Variants in PCDHA11 observed in about 807,000 individuals in gnomAD.
PCDHA11 encodes the protein protocadherin alpha 11, also known as protocadherin alpha-11.
Under a neutral mutation model 70.3 loss-of-function variants are expected in PCDHA11, and 61 were observed. The observed-to-expected ratio is 0.87, with a 90% confidence interval of 0.71 to 1.07. The LOEUF is 1.07. Among genes scored for constraint, PCDHA11 ranks in the 50% least tolerant of loss-of-function variants. The pLI is 0.00. For missense variants in PCDHA11, 1,324 were observed against 1,237.5 expected, an observed-to-expected ratio of 1.07 and a Z score of -1.05; for synonymous variants, 633 against 555.1, an observed-to-expected ratio of 1.14 and a Z score of -1.97.
chr5:140,869,233 T>C lies in PCDHA11; in HGVS notation c.130T>C (p.Phe44Leu). 1 of 1,613,700 alleles carries C rather than the reference T, an allele frequency of 6.2e-7. No individual in the cohort carries two copies. Among genetic ancestry groups the C allele is most frequent in the Non-Finnish European group, 8.5e-7 (1 of 1,179,946 alleles). The change falls in exon 1 of 4, where the codon TTC becomes CTC. Residue 44 changes from phenylalanine (F) to leucine (L), a missense_variant. By Grantham distance (22) the Phe-to-Leu change is conservative (BLOSUM62 0). Coordinates refer to ENST00000398640, the MANE Select transcript of PCDHA11 (RefSeq NM_018902.5). Reference sequence around the variant, plus strand: ...CTCGGAGGAGGCCAAACACGGCACCTTCGTGGGCCGCATCGCGCAGGACCT... The same window carrying C: ...CTCGGAGGAGGCCAAACACGGCACCCTCGTGGGCCGCATCGCGCAGGACCT... ...SVSEEAKHGT[F>L]VGRIAQDLGL...
chr5:140,942,511 CAG>C (rs574477918), intron 1 of PCDHA11, among the ~76,000 whole-genome samples: 21 of 151,458 alleles, frequency 1.4e-4, no homozygotes, highest in Non-Finnish European at 2.8e-4. Flanking sequence ...CTAGGAAACT[CAG>C]AGGGGAAGCA....
intron 1 of PCDHA11, among the ~76,000 whole-genome samples, chr5:140,886,194 AAT>A (rs775586198): frequency 9.9e-5 from 15 of 152,172 alleles, no homozygotes; most frequent in Non-Finnish European, 1.9e-4. Context: ...GGCAAGCAGT[AAT>A]CTGTTCTCCA....
chr5:140,869,772 T>A lies in PCDHA11; in HGVS notation c.669T>A (p.Thr223=), dbSNP rs1554163433. 1 of 1,613,190 alleles carries A rather than the reference T, an allele frequency of 6.2e-7. No individual in the cohort carries two copies. Among genetic ancestry groups the A allele is most frequent in the Non-Finnish European group, 8.5e-7 (1 of 1,179,662 alleles). ...TATDGGKPEL[T]GTVRLLVQVL... ...CAGACGGGGGAAAACCAGAGCTTACTGGCACCGTTCGGCTGTTAGTCCAAG... is the reference window on the plus strand; with the variant it reads ...CAGACGGGGGAAAACCAGAGCTTACAGGCACCGTTCGGCTGTTAGTCCAAG... The change falls in exon 1 of 4, where the codon ACT becomes ACA. Residue 223 remains threonine (T), a synonymous_variant. Coordinates refer to ENST00000398640, the MANE Select transcript of PCDHA11 (RefSeq NM_018902.5).
intron 1 of PCDHA11, among the ~76,000 whole-genome samples, chr5:140,924,437 T>C (rs2081836231): frequency 6.6e-6 from 1 of 152,206 alleles, no homozygotes; most frequent in Non-Finnish European, 1.5e-5. Flanking sequence ...CTAGAAGAGA[T>C]AACGAATGGG....
At chr5:140,886,827 GAAAAAAA>G (rs782016620) in intron 1 of PCDHA11, among the ~76,000 whole-genome samples, 7 of 60,890 alleles carry the variant, frequency 1.1e-4, no homozygotes, top group African/African-American at 4.2e-4. Context: ...ACTTCGTCTT[GAAAAAAA>G]AAAAAAAAAA....
chr5:140,909,255 C>G (rs1583695279), intron 1 of PCDHA11, among the ~76,000 whole-genome samples: 1 of 152,210 alleles, frequency 6.6e-6, no homozygotes, highest in African/African-American at 2.4e-5. Context: ...GCTGGCCTTG[C>G]TGACTGAAGG....
intron 1 of PCDHA11, chr5:140,881,501 C>A (rs782000314): frequency 3.3e-4 from 82 of 248,870 alleles, no homozygotes; most frequent in Non-Finnish European, 4.9e-4. Context: ...CACATACACA[C>A]ACTCACATAC....
chr5:140,971,165 G>C (rs1390176241), intron 1 of PCDHA11, among the ~76,000 whole-genome samples: 1 of 152,136 alleles, frequency 6.6e-6, no homozygotes, highest in Non-Finnish European at 1.5e-5. Context: ...GCTCAGCTTT[G>C]CCACCAGCTG....
At chr5:140,985,690 C>G (rs752184454) in intron 3 of PCDHA11, among the ~76,000 whole-genome samples, 1 of 151,742 alleles carries the variant, frequency 6.6e-6, no homozygotes, top group Admixed American at 6.6e-5. Flanking sequence ...TACGCTAATC[C>G]TCGTTCATAT....
At chr5:140,923,616 A>T (rs2081445050) in intron 1 of PCDHA11, among the ~76,000 whole-genome samples, 1 of 152,234 alleles carries the variant, frequency 6.6e-6, no homozygotes, top group African/African-American at 2.4e-5. Flanking sequence ...TTATCTGGTC[A>T]TCTTATCCAA....
intron 1 of PCDHA11, among the ~76,000 whole-genome samples, chr5:140,953,811 A>T (rs782282216): frequency 3.3e-5 from 5 of 152,074 alleles, no homozygotes; most frequent in Non-Finnish European, 5.9e-5. Context: ...TCTGAGGTGC[A>T]TGTGCTAGTT....
In PCDHA11 at chr5:140,869,565, A is replaced by G; in HGVS notation, c.462A>G (p.Leu154=). The change falls in exon 1 of 4, where the codon CTA becomes CTG. Residue 154 remains leucine, a synonymous_variant. Coordinates refer to ENST00000398640, the MANE Select transcript of PCDHA11 (RefSeq NM_018902.5). Reference sequence around the variant, plus strand: ...AGCAATCGGACTCGCGTTTTCCACTAGAGGGAGCTTCTGATGCTGACATTG... The same window carrying G: ...AGCAATCGGACTCGCGTTTTCCACTGGAGGGAGCTTCTGATGCTGACATTG... ...ESKQSDSRFP[L]EGASDADIEE... is the part of the protein sequence containing the mutation. 6.2e-7 allele frequency: 1 copy of G among 1,614,190 alleles called. No individual in the cohort carries two copies. Among genetic ancestry groups the G allele is most frequent in the Non-Finnish European group, 8.5e-7 (1 of 1,180,038 alleles).
intron 1 of PCDHA11, chr5:140,966,545 G>A: frequency 2.1e-6 from 1 of 465,980 alleles, no homozygotes; most frequent in Non-Finnish European, 3.7e-6. Context: ...CGACTCGGAG[G>A]CGAGCGGAGG....
intron 1 of PCDHA11, among the ~76,000 whole-genome samples, chr5:140,932,536 T>G (rs1176427449): frequency 1.3e-5 from 2 of 151,940 alleles, no homozygotes. Flanking sequence ...TTCAAGGTGC[T>G]TTATTTAACA....
chr5:141,002,879 A>G (rs2098100373), intron 3 of PCDHA11, among the ~76,000 whole-genome samples: 1 of 152,228 alleles, frequency 6.6e-6, no homozygotes, highest in Non-Finnish European at 1.5e-5. Flanking sequence ...TCAAGAACAG[A>G]AAGAGAACAA....
chr5:140,910,127 C>T (rs1323587900), intron 1 of PCDHA11, among the ~76,000 whole-genome samples: 5 of 152,202 alleles, frequency 3.3e-5, no homozygotes, highest in African/African-American at 1.2e-4. Context: ...GGTCTGTAAA[C>T]TGGTTTAAGT....
intron 1 of PCDHA11, chr5:140,930,401 T>G (rs1554207785): frequency 6.6e-6 from 1 of 152,210 alleles, no homozygotes; most frequent in African/African-American, 2.4e-5. Context: ...TTCTTTTTTT[T>G]TTTTGAGACA....
At chr5:140,961,997 C>T (rs1160116142) in intron 1 of PCDHA11, among the ~76,000 whole-genome samples, 1 of 152,080 alleles carries the variant, frequency 6.6e-6, no homozygotes, top group South Asian at 2.1e-4. Context: ...CATTGTCCTG[C>T]CTCAGCTTCC....
At chr5:140,895,868 A>G (rs555320203) in intron 1 of PCDHA11, among the ~76,000 whole-genome samples, 5 of 152,228 alleles carry the variant, frequency 3.3e-5, no homozygotes, top group Admixed American at 6.5e-5. Flanking sequence ...CTGGAGTGCA[A>G]TGGCGCGATC....
Sources: allele counts gnomAD v4.1 joint callset (sites outside exome capture counted in the v4.1 genomes callset), GRCh38; gene constraint gnomAD v4.1.1; transcripts MANE v1.5; gene names NCBI Gene and HGNC (gene_info 2026-07-23, HGNC 2026-07-21).